Variants in CD96 observed in about 807,000 individuals in gnomAD.
CD96 encodes the protein T-cell surface protein tactile.
Under a neutral mutation model 71.3 loss-of-function variants are expected in CD96, and 70 were observed. That is an observed-to-expected ratio of 0.98 (90% CI 0.81 to 1.20). CD96 has a LOEUF of 1.20. CD96 is among the 50% of genes most tolerant of loss of function. The probability of loss-of-function intolerance (pLI) is 0.00; values close to 1 mark genes in which losing one functional copy is unlikely to be tolerated. For synonymous variants in CD96, 248 were observed against 233.0 expected (o/e 1.06, Z -0.59); for missense variants, 742 against 677.5 (o/e 1.10, Z -1.06).
In CD96 at chr3:111,629,786, A is replaced by C. The variant is rs538854839; in HGVS notation, c.1321+5382A>C. On this transcript the variant is annotated intron_variant, in intron 10 of 13. Coordinates refer to ENST00000352690, the MANE Select transcript of CD96 (RefSeq NM_005816.5). ...TCAGAAACAAAACACTCCTCAGTAA[A>C]TGCAAAAGAATGGAAATCATAACAA... is the stretch of plus-strand genomic sequence containing the variant. 4.6e-5 allele frequency among the ~76,000 whole-genome samples: 7 copies of C among 152,310 alleles called. 1 individual carries two copies. The South Asian group carries it at 1.5e-3, about 32-fold the overall frequency.
At chr3:111,642,968 C>A (rs1277120115) in intron 12 of CD96, among the ~76,000 whole-genome samples, 1 of 151,066 alleles carries the variant, frequency 6.6e-6, no homozygotes, top group African/African-American at 2.4e-5. Context: ...CTAATTCATT[C>A]TGTGAAGCCA....
intron 10 of CD96, among the ~76,000 whole-genome samples, chr3:111,632,126 T>C (rs1939095798): frequency 6.6e-6 from 1 of 152,144 alleles, no homozygotes; most frequent in African/African-American, 2.4e-5. Context: ...AAATGGGACT[T>C]AATTAAACTA....
At chr3:111,596,329 A>G (rs1937260729) in intron 5 of CD96, among the ~76,000 whole-genome samples, 1 of 152,196 alleles carries the variant, frequency 6.6e-6, no homozygotes, top group South Asian at 2.1e-4. Flanking sequence ...GTTTTAGAAC[A>G]TGAACCACAT....
intron 8 of CD96, among the ~76,000 whole-genome samples, chr3:111,617,399 C>T (rs1938296481): frequency 6.6e-6 from 1 of 152,212 alleles, no homozygotes. Context: ...TCCTGGCCTG[C>T]CTATGGCCAT....
intron 5 of CD96, among the ~76,000 whole-genome samples, chr3:111,588,258 A>G (rs568043254): frequency 2.0e-5 from 3 of 152,328 alleles, no homozygotes; most frequent in African/African-American, 7.2e-5. Context: ...TCTTAAGTTC[A>G]AAGTTCCACA....
rs202242137 is a variant in CD96, at chr3:111,560,192, A to C, written c.419-7331A>C. On this transcript the variant is annotated intron_variant, in intron 2 of 13. Transcript: ENST00000352690. ...GCCAGTCTGTGTCTTTTAATTGGAGAATTTAGTCCATTTACATTTAAAGTT... is the reference window on the plus strand; with the variant it reads ...GCCAGTCTGTGTCTTTTAATTGGAGCATTTAGTCCATTTACATTTAAAGTT... Among the ~76,000 whole-genome samples, 120 of 151,708 alleles carry C rather than the reference A, an allele frequency of 7.9e-4. 1 individual carries two copies. The East Asian group carries it at 0.02, about 26-fold the overall frequency.
At position 111,649,684 on chromosome 3, in the gene CD96, T is replaced by C; in HGVS notation, c.1602-14T>C. 1 of 1,528,426 alleles carries C rather than the reference T, an allele frequency of 6.5e-7. No individual in the cohort carries two copies. The highest frequency in any genetic ancestry group is 9.1e-7 in the Non-Finnish European group (1 of 1,102,024). The allele number at this position is 1,528,426 out of a possible 1,614,324, so 94.7% of individuals were successfully genotyped here. A position where few individuals can be genotyped will look rare whatever the true frequency, so the allele number is the denominator to read the frequency against. On this transcript the variant is annotated splice_polypyrimidine_tract_variant and intron_variant, in intron 13 of 13. Coordinates refer to ENST00000352690, the MANE Select transcript of CD96 (RefSeq NM_005816.5). The stretch of plus-strand genomic sequence containing the variant: ...TCAATTCTTAGCATTGAAAGACCAA[T>C]ATTTTGTTCCTAGAATGGAAAGACC...
At chr3:111,608,515 A>G (rs1937742585) in intron 8 of CD96, among the ~76,000 whole-genome samples, 1 of 152,248 alleles carries the variant, frequency 6.6e-6, no homozygotes, top group Non-Finnish European at 1.5e-5. Flanking sequence ...TGGTAGACAG[A>G]GCAAGCATTA....
chr3:111,633,322 T>C (rs957825493), intron 10 of CD96, among the ~76,000 whole-genome samples: 1 of 152,174 alleles, frequency 6.6e-6, no homozygotes, highest in African/African-American at 2.4e-5. Flanking sequence ...ATAATTTCAA[T>C]GGTAACATTT....
rs34219871 is a variant in CD96, at chr3:111,593,985, T to C, written c.808-4135T>C. 8.4e-4 allele frequency: 1,351 copies of C among 1,614,166 alleles called. 3 individuals carry two copies. Among genetic ancestry groups the C allele is most frequent in the Non-Finnish European group, 7.6e-4 (901 of 1,180,030 alleles). ...CACAGGCGGCAGGTGGCATACTGGTTGGGATGGTGCCCAGCACGAGCAGGA... is the reference window on the plus strand; with the variant it reads ...CACAGGCGGCAGGTGGCATACTGGTCGGGATGGTGCCCAGCACGAGCAGGA... On this transcript the variant is annotated intron_variant, in intron 5 of 13. Transcript: ENST00000352690.
At chr3:111,550,088 G>A (rs1392432762) in intron 2 of CD96, among the ~76,000 whole-genome samples, 2 of 152,072 alleles carry the variant, frequency 1.3e-5, no homozygotes, top group Non-Finnish European at 2.9e-5. Flanking sequence ...CAATTAAAGA[G>A]GCAAAAGTAG....
intron 8 of CD96, among the ~76,000 whole-genome samples, chr3:111,607,430 T>C (rs1447325888): frequency 6.6e-6 from 1 of 152,218 alleles, no homozygotes; most frequent in Non-Finnish European, 1.5e-5. Flanking sequence ...AGCAATGCTA[T>C]GGCAAAGGAG....
chr3:111,584,830 C>A (rs1262042870), intron 4 of CD96, among the ~76,000 whole-genome samples: 4 of 152,110 alleles, frequency 2.6e-5, no homozygotes, highest in Non-Finnish European at 4.4e-5. Context: ...ATATCATAAG[C>A]CTTTGGACAT....
At chr3:111,630,374 A>G (rs1285953736) in intron 10 of CD96, among the ~76,000 whole-genome samples, 1 of 152,216 alleles carries the variant, frequency 6.6e-6, no homozygotes, top group Non-Finnish European at 1.5e-5. Flanking sequence ...AGAAAAGTAT[A>G]AACACCTCTC....
chr3:111,657,091 G>T (rs1024576549), downstream of CD96, among the ~76,000 whole-genome samples: 15 of 151,868 alleles, frequency 9.9e-5, no homozygotes, highest in Non-Finnish European at 2.1e-4. Context: ...AGAGAAAAAA[G>T]AAAGAAAAAA....
At chr3:111,616,643 A>C (rs928319724) in intron 8 of CD96, among the ~76,000 whole-genome samples, 2 of 152,206 alleles carry the variant, frequency 1.3e-5, no homozygotes. Flanking sequence ...CCTTGGGTTC[A>C]GTTGTTGTCT....
chr3:111,626,020 T>C (rs1414185247), intron 10 of CD96, among the ~76,000 whole-genome samples: 1 of 152,030 alleles, frequency 6.6e-6, no homozygotes. Context: ...ATGCTCAATC[T>C]CGGCCGGGTG....
rs150611120 is a variant in CD96, at chr3:111,593,296, T to C, written c.808-4824T>C. 1,205 of 376,034 alleles carry C rather than the reference T, an allele frequency of 3.2e-3. 2 individuals carry two copies. Among genetic ancestry groups the C allele is most frequent in the Non-Finnish European group, 4.7e-3 (1,009 of 213,166 alleles). 23.3% of individuals were successfully genotyped at this position (376,034 alleles called of 1,614,324 possible). A position where few individuals can be genotyped will look rare whatever the true frequency, so the allele number is the denominator to read the frequency against. ...CTGAAACAACTCACAGAGTTTTACT[T>C]TGGTAGAAGCATTTATCTTTAATAG... On this transcript the variant is annotated intron_variant, in intron 5 of 13. Coordinates refer to ENST00000352690, the MANE Select transcript of CD96 (RefSeq NM_005816.5).
Position 111,650,118 on chromosome 3 carries a change from G to T in CD96, c.*312G>T. 2.8e-6 allele frequency: 1 copy of T among 358,508 alleles called. No homozygotes were observed. Among genetic ancestry groups the T allele is most frequent in the Non-Finnish European group, 5.4e-6 (1 of 184,806 alleles). The allele number at this position is 358,508 out of a possible 1,614,324, so 22.2% of individuals were successfully genotyped here. On this transcript the variant is annotated 3_prime_UTR_variant, in exon 14 of 14. Transcript: ENST00000352690. Reference sequence around the variant, plus strand: ...TACAGTATTTTCATTTAAATTCTCTGATGGAGGGACAACAATGGTTTCAAC... The same window carrying T: ...TACAGTATTTTCATTTAAATTCTCTTATGGAGGGACAACAATGGTTTCAAC...
Sources: allele counts gnomAD v4.1 joint callset (sites outside exome capture counted in the v4.1 genomes callset), GRCh38; gene constraint gnomAD v4.1.1; transcripts MANE v1.5; gene names NCBI Gene and HGNC (gene_info 2026-07-23, HGNC 2026-07-21).